Variants in MSRA observed in about 807,000 individuals in gnomAD.
MSRA encodes the protein methionine sulfoxide reductase A.
MSRA carries 54 observed loss-of-function variants against 31.3 expected under a neutral mutation model. That is an observed-to-expected ratio of 1.73 (90% CI 1.39 to 2.17). The LOEUF (loss-of-function observed/expected upper bound fraction) is 2.17. MSRA is among the 30% of genes most tolerant of loss of function. The probability of loss-of-function intolerance (pLI) is 0.00; values close to 1 mark genes in which losing one functional copy is unlikely to be tolerated. For synonymous variants in MSRA, 169 were observed against 116.5 expected (o/e 1.45, Z -2.90); for missense variants, 507 against 300.9 (o/e 1.69, Z -5.07).
intron 5 of MSRA, among the ~76,000 whole-genome samples, chr8:10,413,343 C>T (rs1437416944): frequency 6.6e-6 from 1 of 152,134 alleles, no homozygotes; most frequent in Non-Finnish European, 1.5e-5. Flanking sequence ...ACTTCAATGG[C>T]CACACCTGAA....
intron 1 of MSRA, among the ~76,000 whole-genome samples, chr8:10,153,577 A>T (rs953185867): frequency 2.0e-5 from 3 of 152,150 alleles, no homozygotes; most frequent in Non-Finnish European, 2.9e-5. Context: ...AGGTAGAGAT[A>T]CACTGATCTT....
At chr8:10,066,168 C>A (rs912728606) in intron 1 of MSRA, among the ~76,000 whole-genome samples, 3 of 152,074 alleles carry the variant, frequency 2.0e-5, no homozygotes, top group Non-Finnish European at 4.4e-5. Context: ...GGATTACAGG[C>A]GCCCAGCAGG....
At chr8:10,099,186 G>T (rs933599323) in intron 1 of MSRA, among the ~76,000 whole-genome samples, 2 of 152,130 alleles carry the variant, frequency 1.3e-5, no homozygotes, top group African/African-American at 4.8e-5. Context: ...CAAAAAGAAG[G>T]CATAGGTTCA....
chr8:10,061,246 A>G (rs1334374124), intron 1 of MSRA, among the ~76,000 whole-genome samples: 1 of 152,172 alleles, frequency 6.6e-6, no homozygotes, highest in Admixed American at 6.5e-5. Context: ...GACCATACCC[A>G]TAGCGTGGAT....
At chr8:10,306,786 CA>C (rs1801163600) in intron 4 of MSRA, among the ~76,000 whole-genome samples, 1 of 152,152 alleles carries the variant, frequency 6.6e-6, no homozygotes, top group Non-Finnish European at 1.5e-5. Flanking sequence ...CGAGCCAAGC[CA>C]CAGGTACACC....
At chr8:10,070,404 C>T (rs1348833549) in intron 1 of MSRA, among the ~76,000 whole-genome samples, 1 of 152,088 alleles carries the variant, frequency 6.6e-6, no homozygotes, top group Non-Finnish European at 1.5e-5. Flanking sequence ...CAAGTGTGAC[C>T]TGCTATTTTT....
chr8:10,091,187 T>C (rs1798836990), intron 1 of MSRA, among the ~76,000 whole-genome samples: 1 of 152,240 alleles, frequency 6.6e-6, no homozygotes, highest in African/African-American at 2.4e-5. Context: ...CTGCTAGTAT[T>C]TTGTTCAGAA....
intron 1 of MSRA, among the ~76,000 whole-genome samples, chr8:10,119,421 G>A (rs1043696501): frequency 3.9e-5 from 6 of 152,140 alleles, no homozygotes; most frequent in Non-Finnish European, 8.8e-5. Flanking sequence ...CGTGCTTTCT[G>A]CTGGCGATTA....
chr8:10,242,392 CAG>C (rs1366892674), intron 2 of MSRA, among the ~76,000 whole-genome samples: 1 of 152,086 alleles, frequency 6.6e-6, no homozygotes, highest in African/African-American at 2.4e-5. Flanking sequence ...CTGTGAAAGT[CAG>C]ATAACGGTTG....
chr8:10,381,712 G>T (rs557648925), intron 5 of MSRA, among the ~76,000 whole-genome samples: 20 of 152,220 alleles, frequency 1.3e-4, no homozygotes, highest in African/African-American at 4.8e-4. Flanking sequence ...AATGTCAGGG[G>T]TAATAGGTGC....
intron 1 of MSRA, among the ~76,000 whole-genome samples, chr8:10,097,797 A>T (rs1045375804): frequency 6.6e-6 from 1 of 152,164 alleles, no homozygotes; most frequent in African/African-American, 2.4e-5. Flanking sequence ...TAAAAAACAA[A>T]TATGTCAGAA....
chr8:10,072,011 C>T (rs907944957), intron 1 of MSRA, among the ~76,000 whole-genome samples: 6 of 152,106 alleles, frequency 3.9e-5, no homozygotes, highest in Admixed American at 1.3e-4. Flanking sequence ...GGTCTGCCTA[C>T]GAGCACCCCT....
At chr8:10,192,889 C>CA (rs1807635283) in intron 1 of MSRA, among the ~76,000 whole-genome samples, 1 of 152,176 alleles carries the variant, frequency 6.6e-6, no homozygotes, top group African/African-American at 2.4e-5. Flanking sequence ...TTCTAAATCT[C>CA]AGACACCCAT....
intron 4 of MSRA, among the ~76,000 whole-genome samples, chr8:10,314,684 A>C (rs1033715342): frequency 3.3e-5 from 5 of 152,220 alleles, no homozygotes; most frequent in African/African-American, 9.7e-5. Context: ...GCATATGTAT[A>C]AGAGAATACA....
chr8:10,105,298 A>T (rs1039823186), intron 1 of MSRA, among the ~76,000 whole-genome samples: 1 of 152,200 alleles, frequency 6.6e-6, no homozygotes, highest in Non-Finnish European at 1.5e-5. Context: ...TGATTTTAGT[A>T]ATAATACATG....
intron 1 of MSRA, among the ~76,000 whole-genome samples, chr8:10,066,833 C>T (rs1267967997): frequency 6.6e-6 from 1 of 151,852 alleles, no homozygotes; most frequent in Admixed American, 6.6e-5. Flanking sequence ...CTGCACCTGG[C>T]TCAGCTGGTA....
chr8:10,346,613 A>G (rs2129154839), intron 5 of MSRA, among the ~76,000 whole-genome samples: 1 of 152,316 alleles, frequency 6.6e-6, no homozygotes, highest in African/African-American at 2.4e-5. Context: ...CCAGAGTGGA[A>G]AAGAGGGAAA....
At chr8:10,068,082 CTG>C (rs1372700988) in intron 1 of MSRA, among the ~76,000 whole-genome samples, 1 of 151,944 alleles carries the variant, frequency 6.6e-6, no homozygotes, top group African/African-American at 2.4e-5. Context: ...TGGGGTTTCG[CTG>C]TGTTTGCCAG....
chr8:10,276,094 G>A (rs1031824301), intron 3 of MSRA, among the ~76,000 whole-genome samples: 2 of 152,138 alleles, frequency 1.3e-5, no homozygotes, highest in African/African-American at 2.4e-5. Context: ...TCACTGCAGC[G>A]GTCGTTACTG....
Sources: allele counts gnomAD v4.1 joint callset (sites outside exome capture counted in the v4.1 genomes callset), GRCh38; gene constraint gnomAD v4.1.1; transcripts MANE v1.5; gene names NCBI Gene and HGNC (gene_info 2026-07-23, HGNC 2026-07-21).